Variants in ADGRG4 observed in about 807,000 individuals in gnomAD.
The protein encoded by ADGRG4 is adhesion G protein-coupled receptor G4.
A neutral mutation model predicts 126.2 loss-of-function variants in ADGRG4; 122 were observed. The observed-to-expected ratio is 0.97, with a 90% CI of 0.83 to 1.12. The LOEUF (loss-of-function observed/expected upper bound fraction) is 1.12. Among genes scored for constraint, ADGRG4 ranks in the 50% most tolerant of loss-of-function variants. The pLI, the probability that ADGRG4 is intolerant of heterozygous loss-of-function variation, is 0.00. For synonymous variants in ADGRG4, 943 were observed against 838.7 expected (o/e 1.12, Z -2.15); for missense variants, 2,481 against 2,251.8 (o/e 1.10, Z -2.06).
intron 19 of ADGRG4, among the ~76,000 whole-genome samples, chrX:136,397,515 TG>T (rs1408016470): frequency 8.9e-4 from 73 of 81,796 alleles, no homozygotes; most frequent in African/African-American, 2.5e-3. Flanking sequence ...TTTTTTTTTT[TG>T]CTGTTCTGTG....
In ADGRG4 at chrX:136,322,276, C is replaced by T. The variant is rs145792096; in HGVS notation, c.71-502C>T. On this transcript the variant is annotated intron_variant, in intron 4 of 25. Transcript: ENST00000394143. ...CAGTGCCTTTCAGTGAGAAGCAGTC[C>T]CCAGAGACAGAATAAATCAGATCAT... Among the ~76,000 whole-genome samples the T allele has an allele frequency of 8.0e-3, 889 of 111,623 alleles. 12 individuals are homozygous for T. The highest frequency in any genetic ancestry group is 0.027 in the African/African-American group (837 of 30,708).
intron 13 of ADGRG4, among the ~76,000 whole-genome samples, 188 bp from the exon 14 acceptor site, chrX:136,371,135 AACTTG>A (rs1466596270): frequency 8.9e-6 from 1 of 112,109 alleles, no homozygotes; most frequent in Non-Finnish European, 1.9e-5. Context: ...TATGAATAAA[AACTTG>A]ACTTATGTTC....
rs754513812 is a variant in ADGRG4, at chrX:136,344,407, T to C, written c.701T>C (p.Met234Thr). 3 of 1,154,576 alleles carry C rather than the reference T, an allele frequency of 2.6e-6. No homozygotes were observed. The highest frequency in any genetic ancestry group is 3.0e-5 in the East Asian group (1 of 33,174). The change falls in exon 6 of 26, where the codon ATG becomes ACG. Residue 234 changes from methionine to threonine, a missense_variant. By Grantham distance (81) the Met-to-Thr change is moderately conservative. Coordinates refer to ENST00000394143, the MANE Select transcript of ADGRG4 (RefSeq NM_153834.4). ...ATTTTTTTAGTTGTTCCTGAAAATA[T>C]GACAATTCAAGAAAAAAGTACAACT... ...RTLRCFVPEN[M>T]TIQEKSTTVS...
In ADGRG4 at chrX:136,300,978, G is replaced by T. The variant is rs2074695565; in HGVS notation, c.-276G>T. 1 of 112,337 alleles carries T rather than the reference G, an allele frequency of 8.9e-6. No homozygotes were observed. The highest frequency in any genetic ancestry group is 3.2e-5 in the African/African-American group (1 of 30,901). 9.3% of individuals were successfully genotyped at this position (112,337 alleles called of 1,213,427 possible). On this transcript the variant is annotated 5_prime_UTR_variant, in exon 1 of 26. Coordinates refer to ENST00000394143, the MANE Select transcript of ADGRG4 (RefSeq NM_153834.4). ...ATATGTGCCACAGTTTCTTAATCCA[G>T]TCTATCACTGATGGACATTTGGGTT...
chrX:136,408,733 C>T (rs2075429028), intron 23 of ADGRG4, among the ~76,000 whole-genome samples: 2 of 111,548 alleles, frequency 1.8e-5, no homozygotes, highest in African/African-American at 6.5e-5. Flanking sequence ...GATATATACC[C>T]AATAATGAGA....
At chrX:136,403,666 C>T (rs2075390948) in intron 22 of ADGRG4, among the ~76,000 whole-genome samples, 1 of 112,276 alleles carries the variant, frequency 8.9e-6, no homozygotes, top group Non-Finnish European at 1.9e-5. Context: ...ATTATGATTA[C>T]AAAGCTCACA....
intron 4 of ADGRG4, among the ~76,000 whole-genome samples, chrX:136,309,211 T>C (rs778281278): frequency 2.0e-4 from 22 of 112,597 alleles, no homozygotes; most frequent in Admixed American, 1.0e-3. Context: ...GTCTGAAGCA[T>C]TGTGATATCA....
At chrX:136,372,266 C>T (rs765322505) in intron 14 of ADGRG4, among the ~76,000 whole-genome samples, 4 of 111,553 alleles carry the variant, frequency 3.6e-5, no homozygotes, top group South Asian at 7.6e-4. Context: ...CTCTTGTATG[C>T]GGCACTGTAC....
At chrX:136,332,277 T>C (rs1181886218) in intron 5 of ADGRG4, among the ~76,000 whole-genome samples, 9 of 106,585 alleles carry the variant, frequency 8.4e-5, no homozygotes, top group Non-Finnish European at 1.6e-4. Flanking sequence ...GTTCTTGCGA[T>C]AGTTTACTGA....
intron 5 of ADGRG4, among the ~76,000 whole-genome samples, chrX:136,330,109 TA>T (rs1441679852): frequency 9.0e-6 from 1 of 111,008 alleles, no homozygotes; most frequent in Admixed American, 9.7e-5. Flanking sequence ...TAGTTTTTAT[TA>T]TATTCATTTA....
At chrX:136,333,968 A>G (rs1250318002) in intron 5 of ADGRG4, among the ~76,000 whole-genome samples, 1 of 111,556 alleles carries the variant, frequency 9.0e-6, no homozygotes, top group Non-Finnish European at 1.9e-5. Flanking sequence ...ATTTTCTCCT[A>G]TATTTTTTCT....
chrX:136,328,043 T>C (rs2074885081), intron 5 of ADGRG4, among the ~76,000 whole-genome samples: 1 of 111,754 alleles, frequency 8.9e-6, no homozygotes, highest in Non-Finnish European at 1.9e-5. Flanking sequence ...TGAATTTACA[T>C]GTAAATATAT....
Position 136,344,721 on chromosome X carries a change from T to C in ADGRG4, c.1015T>C (p.Ser339Pro), listed in dbSNP as rs1218198043. The change falls in exon 6 of 26, where the codon TCC (serine) becomes CCC (proline). Residue 339 changes from serine (S) to proline (P), a missense_variant. Ser to Pro is a moderately conservative substitution (Grantham distance 74). Coordinates refer to ENST00000394143, the MANE Select transcript of ADGRG4 (RefSeq NM_153834.4). Reference sequence around the variant, plus strand: ...TATATCCATAGACAATACTACCAATTCCATGAAAAAAACGAAATCTCCATC... The same window carrying C: ...TATATCCATAGACAATACTACCAATCCCATGAAAAAAACGAAATCTCCATC... ...QSISIDNTTNSMKKTKSPSSE... is the reference protein window; with the variant it reads ...QSISIDNTTNPMKKTKSPSSE... The C allele has an allele frequency of 3.3e-6, 4 of 1,207,654 alleles. No homozygotes were observed. The South Asian group carries it at 7.1e-5, about 21-fold the overall frequency.
rs776402747 is a variant in ADGRG4 at position 136,387,621 on chromosome X, A to G, written c.7777-119A>G. Reference sequence around the variant, plus strand: ...AAAGTGTATCATCGCTTATGGAGCTAGTTCCCACCTTTCAGTCCTTTGGGT... The same window carrying G: ...AAAGTGTATCATCGCTTATGGAGCTGGTTCCCACCTTTCAGTCCTTTGGGT... On this transcript the variant is annotated intron_variant, in intron 15 of 25. Coordinates refer to ENST00000394143, the MANE Select transcript of ADGRG4 (RefSeq NM_153834.4). 127 of 595,501 alleles carry G rather than the reference A, an allele frequency of 2.1e-4. 1 individual carries two copies. The African/African-American group carries it at 2.7e-3, about 13-fold the overall frequency. The allele number at this position is 595,501 out of a possible 1,213,427, so 49.1% of individuals were successfully genotyped here.
intron 5 of ADGRG4, among the ~76,000 whole-genome samples, chrX:136,338,166 T>C (rs751494049): frequency 9.1e-6 from 1 of 109,954 alleles, no homozygotes; most frequent in East Asian, 2.8e-4. Context: ...GGTTCCTTTT[T>C]TTTTTTTTCA....
rs767143697 is a variant in ADGRG4 at position 136,373,077 on chromosome X, C to G, written c.7776+13C>G. ...CACAGACCCTGAGGTGAGTGCAGCT[C>G]AGGGAACTGAGAGCCAATCAGCCAA... On this transcript the variant is annotated intron_variant, in intron 15 of 25. Coordinates refer to ENST00000394143, the MANE Select transcript of ADGRG4 (RefSeq NM_153834.4). 1 of 1,179,419 alleles carries G rather than the reference C, an allele frequency of 8.5e-7. No individual in the cohort carries two copies. The highest frequency in any genetic ancestry group is 1.1e-6 in the Non-Finnish European group (1 of 878,107).
chrX:136,380,981 G>A (rs182071502), intron 15 of ADGRG4, among the ~76,000 whole-genome samples: 3 of 109,783 alleles, frequency 2.7e-5, no homozygotes, highest in African/African-American at 3.3e-5. Flanking sequence ...GCCTCCCAAA[G>A]TGCTGGGGTT....
intron 5 of ADGRG4, among the ~76,000 whole-genome samples, chrX:136,327,725 C>T (rs1399807033): frequency 1.8e-5 from 2 of 109,893 alleles, no homozygotes; most frequent in African/African-American, 6.6e-5. Context: ...TATCTTGGTA[C>T]GTTTAGGTTT....
rs758611420 is a variant in ADGRG4, at chrX:136,354,025, G to A, written c.6887+624G>A. ...CCCGCAGAAGCTCTTTGAAAAATAG[G>A]CATGGCTCTGTTAAGCCATGGCAAA... On this transcript the variant is annotated intron_variant, in intron 8 of 25. Transcript: ENST00000394143. 2.1e-4 allele frequency among the ~76,000 whole-genome samples: 24 copies of A among 111,839 alleles called. 1 individual carries two copies. Among genetic ancestry groups the A allele is most frequent in the Non-Finnish European group, 4.3e-4 (23 of 53,095 alleles).
Sources: allele counts gnomAD v4.1 joint callset (sites outside exome capture counted in the v4.1 genomes callset), GRCh38; gene constraint gnomAD v4.1.1; transcripts MANE v1.5; gene names NCBI Gene and HGNC (gene_info 2026-07-23, HGNC 2026-07-21).